The following PPP1R10 variants were observed in gnomAD, a reference collection of about 807,000 sequenced individuals.
PPP1R10 encodes protein phosphatase 1 regulatory subunit 10, also known as serine/threonine-protein phosphatase 1 regulatory subunit 10.
Under a neutral mutation model 99.0 loss-of-function variants are expected in PPP1R10, and 15 were observed. The observed-to-expected ratio is 0.15, with a 90% CI of 0.10 to 0.23. The LOEUF is 0.23. PPP1R10 is among the 10% of genes least tolerant of loss of function. PPP1R10 has a pLI of 1.00. For synonymous variants in PPP1R10, 430 were observed against 449.5 expected (o/e 0.96, Z 0.55); for missense variants, 947 against 1,259.4 (o/e 0.75, Z 3.75).
In PPP1R10 at chr6:30,604,514, G is replaced by A. The variant is rs1803710295; in HGVS notation, c.1103-3C>T. ...CAGAGCTCCTGGCTCCAAAGAGGCT[G>A]GAAGCAGAAGAGGTTTCAGACCCAG... On this transcript the variant is annotated splice_polypyrimidine_tract_variant and splice_region_variant and intron_variant, in intron 12 of 19. Transcript: ENST00000376511. The surrounding 1 kb of genome is among the most constrained non-coding windows in gnomAD (Gnocchi z 7.3). 2.5e-6 allele frequency: 4 copies of A among 1,612,872 alleles called. No individual in the cohort carries two copies. Among genetic ancestry groups the A allele is most frequent in the South Asian group, 1.1e-5 (1 of 91,088 alleles).
intron 19 of PPP1R10, 25 bp from the exon 20 acceptor site, chr6:30,601,683 TA>T: frequency 6.2e-7 from 1 of 1,603,284 alleles, no homozygotes; most frequent in Non-Finnish European, 8.5e-7. Context: ...GCAAAACAGT[TA>T]GACAGGAAAT....
chr6:30,610,058 A>G (rs568074851), intron 2 of PPP1R10, 103 bp from the exon 3 acceptor site: 158 of 714,540 alleles, frequency 2.2e-4, no homozygotes, highest in South Asian at 7.8e-4. Context: ...TTGACAAAGT[A>G]TAATGACTAA....
Position 30,604,687 on chromosome 6 carries a change from G to A in PPP1R10, c.1003C>T (p.Pro335Ser). 2 of 1,613,146 alleles carry A rather than the reference G, an allele frequency of 1.2e-6. No individual in the cohort carries two copies. The highest frequency in any genetic ancestry group is 1.3e-5 in the African/African-American group (1 of 75,058). ...KTSTEPSTAK[P>S]SSPEPAPPSE... is the part of the protein sequence containing the mutation. ...GGTGGTGCTGGTTCTGGGGAAGAAGGTTTGGCTGTGCTTGGTTCTGTGCTC... is the reference window on the plus strand; with the variant it reads ...GGTGGTGCTGGTTCTGGGGAAGAAGATTTGGCTGTGCTTGGTTCTGTGCTC... The change falls in exon 12 of 20, where the codon CCT (proline) becomes TCT (serine). Residue 335 changes from proline (P) to serine (S), a missense_variant. By Grantham distance (74) the Pro-to-Ser change is moderately conservative. Coordinates refer to ENST00000376511, the MANE Select transcript of PPP1R10 (RefSeq NM_002714.4). This position sits in a 1 kb window ranked among gnomAD's most constrained non-coding sequence, Gnocchi z 7.3.
rs759838362 is a variant in PPP1R10 at position 30,602,089 on chromosome 6, C to T, written c.2560G>A (p.Gly854Arg). 7 of 1,584,644 alleles carry T rather than the reference C, an allele frequency of 4.4e-6. 1 individual carries two copies. The highest frequency in any genetic ancestry group is 3.5e-5 in the South Asian group (3 of 86,826). ...GHRPHEGPGHGGPHGHRPHDV... is the reference protein window; with the variant it reads ...GHRPHEGPGHRGPHGHRPHDV... ...TGAGGCCGGTGGCCATGGGGCCCCCCGTGTCCAGGGCCTTCATGGGGACGA... is the reference window on the plus strand; with the variant it reads ...TGAGGCCGGTGGCCATGGGGCCCCCTGTGTCCAGGGCCTTCATGGGGACGA... The change falls in exon 19 of 20, where the codon GGG (glycine) becomes AGG (arginine). Residue 854 changes from glycine to arginine, a missense_variant. Transcript: ENST00000376511. The surrounding 1 kb of genome is among the most constrained non-coding windows in gnomAD (Gnocchi z 6.7).
intron 2 of PPP1R10, among the ~76,000 whole-genome samples, chr6:30,611,832 G>GA (rs1804589899): frequency 6.6e-6 from 1 of 152,120 alleles, no homozygotes; most frequent in African/African-American, 2.4e-5. Context: ...TGAGGTCAGA[G>GA]AAAAAACATT....
chr6:30,601,126 A>T lies in PPP1R10; in HGVS notation c.*423T>A, dbSNP rs1465849428. ...ATGAGGAATAATGAACTTAGCTGGG[A>T]TGATTTCTTAAGTGCAGCTGATCCT... is the stretch of plus-strand genomic sequence containing the variant. On this transcript the variant is annotated 3_prime_UTR_variant, in exon 20 of 20. Transcript: ENST00000376511. 5.5e-6 allele frequency: 1 copy of T among 181,510 alleles called. No homozygotes were observed. Among genetic ancestry groups the T allele is most frequent in the Non-Finnish European group, 1.2e-5 (1 of 85,600 alleles). The allele number at this position is 181,510 out of a possible 1,614,324, so 11.2% of individuals were successfully genotyped here.
rs1289575531 is a variant in PPP1R10 at position 30,609,670 on chromosome 6, A to C, written c.107+168T>G. Among the ~76,000 whole-genome samples the C allele has an allele frequency of 6.6e-6, 1 of 152,208 alleles. No individual in the cohort carries two copies. Among genetic ancestry groups the C allele is most frequent in the African/African-American group, 2.4e-5 (1 of 41,452 alleles). Reference sequence around the variant, plus strand: ...TTTCCATTATGGTCAGAAACAAGTGATCATCTTTTCCTATCCCTTATCCTA... The same window carrying C: ...TTTCCATTATGGTCAGAAACAAGTGCTCATCTTTTCCTATCCCTTATCCTA... On this transcript the variant is annotated intron_variant, in intron 3 of 19. Coordinates refer to ENST00000376511, the MANE Select transcript of PPP1R10 (RefSeq NM_002714.4). The surrounding 1 kb of genome is among the most constrained non-coding windows in gnomAD (Gnocchi z 4.5).
chr6:30,609,553 G>C lies in PPP1R10; in HGVS notation c.107+285C>G, dbSNP rs182199533. Among the ~76,000 whole-genome samples the C allele has an allele frequency of 6.6e-4, 101 of 152,228 alleles. No homozygotes were observed. Among genetic ancestry groups the C allele is most frequent in the African/African-American group, 1.8e-3 (74 of 41,552 alleles). On this transcript the variant is annotated intron_variant, in intron 3 of 19. Coordinates refer to ENST00000376511, the MANE Select transcript of PPP1R10 (RefSeq NM_002714.4). The surrounding 1 kb of genome is among the most constrained non-coding windows in gnomAD (Gnocchi z 4.5). ...ATAACATTATGGGTAGGTGGAACAC[G>C]AACCAAAACAATCTAGAATTCTGTT... is the stretch of plus-strand genomic sequence containing the variant.
Position 30,604,814 on chromosome 6 carries a change from G to A in PPP1R10, c.955-79C>T. 6.3e-7 allele frequency: 1 copy of A among 1,585,742 alleles called. No homozygotes were observed. The highest frequency in any genetic ancestry group is 1.7e-4 in the Middle Eastern group (1 of 5,938). On this transcript the variant is annotated intron_variant, in intron 11 of 19. Transcript: ENST00000376511. The surrounding 1 kb of genome is among the most constrained non-coding windows in gnomAD (Gnocchi z 7.3). ...CAATTAGTCCAGGGTCCCAGGCACAGTCCCCCAACAGTTCCTATATAAAGG... is the reference window on the plus strand; with the variant it reads ...CAATTAGTCCAGGGTCCCAGGCACAATCCCCCAACAGTTCCTATATAAAGG...
At position 30,602,206 on chromosome 6, in the gene PPP1R10, G is replaced by C; in HGVS notation, c.2443C>G (p.Pro815Ala). Reference protein sequence around the residue: ...GGISGGSGHRPHEGPGGGMGA... With the variant: ...GGISGGSGHRAHEGPGGGMGA... ...ATTCCTCCGCCAGGGCCTTCATGGG[G>C]ACGATGGCCACTGCCACCACTGATG... is the stretch of plus-strand genomic sequence containing the variant. The change falls in exon 19 of 20, where the codon CCC (proline) becomes GCC (alanine). Residue 815 changes from proline to alanine, a missense_variant. Pro to Ala is a conservative substitution (Grantham distance 27, BLOSUM62 -1). Transcript: ENST00000376511. The surrounding 1 kb of genome is among the most constrained non-coding windows in gnomAD (Gnocchi z 6.7). The C allele has an allele frequency of 6.2e-7, 1 of 1,611,088 alleles. No homozygotes were observed. The highest frequency in any genetic ancestry group is 8.5e-7 in the Non-Finnish European group (1 of 1,179,208).
chr6:30,616,951 T>G lies in PPP1R10; in HGVS notation c.-485A>C, dbSNP rs979138246. The G allele has an allele frequency of 2.0e-5, 3 of 152,346 alleles. No individual in the cohort carries two copies. The highest frequency in any genetic ancestry group is 7.2e-5 in the African/African-American group (3 of 41,420). The allele number at this position is 152,346 out of a possible 1,614,324, so 9.4% of individuals were successfully genotyped here. The stretch of plus-strand genomic sequence containing the variant: ...GGGCTTAGATGTTGCTGCGGCTTGT[T>G]TCTGTTTTCCTCGTGGCCGGCCTGT... On this transcript the variant is annotated 5_prime_UTR_variant, in exon 2 of 20. Coordinates refer to ENST00000376511, the MANE Select transcript of PPP1R10 (RefSeq NM_002714.4).
At chr6:30,603,411 T>G in intron 16 of PPP1R10, 61 bp downstream of exon 16, 1 of 1,590,440 alleles carries the variant, frequency 6.3e-7, no homozygotes, top group Non-Finnish European at 8.6e-7. Context: ...TGGGAGACAG[T>G]GAGGAGAGCG....
intron 6 of PPP1R10, 146 bp downstream of exon 6, chr6:30,607,694 A>G (rs1804093561): frequency 1.2e-6 from 1 of 845,708 alleles, no homozygotes; most frequent in Admixed American, 2.1e-5. Flanking sequence ...AGGTTAGAGG[A>G]ACTTTCTCTT....
chr6:30,612,081 A>C (rs1401983693), intron 2 of PPP1R10, among the ~76,000 whole-genome samples: 1 of 152,248 alleles, frequency 6.6e-6, no homozygotes, highest in African/African-American at 2.4e-5. Context: ...TATCATAAGC[A>C]ATCAAGAGAC....
rs183277296 is a variant in PPP1R10, at chr6:30,602,990, G to A, written c.1844-31C>T. On this transcript the variant is annotated intron_variant, in intron 17 of 19. Coordinates refer to ENST00000376511, the MANE Select transcript of PPP1R10 (RefSeq NM_002714.4). This position sits in a 1 kb window ranked among gnomAD's most constrained non-coding sequence, Gnocchi z 6.7. ...AATGAAAACAAGAGTAACACAGCAT[G>A]AGCACTCTAGAAGACTAGCATGATC... 566 of 1,502,998 alleles carry A rather than the reference G, an allele frequency of 3.8e-4. 13 individuals are homozygous for A. In the East Asian group the frequency reaches 9.3e-3, roughly 25 times the overall value. The allele number at this position is 1,502,998 out of a possible 1,614,324, so 93.1% of individuals were successfully genotyped here.
intron 2 of PPP1R10, among the ~76,000 whole-genome samples, chr6:30,611,697 G>T (rs902509939): frequency 3.3e-5 from 5 of 152,298 alleles, no homozygotes; most frequent in African/African-American, 1.2e-4. Flanking sequence ...AGGCAGCCAG[G>T]AAGGGTAGGA....
In PPP1R10 at chr6:30,604,316, C is replaced by G; in HGVS notation, c.1261+37G>C. 6.2e-7 allele frequency: 1 copy of G among 1,613,990 alleles called. No individual in the cohort carries two copies. The highest frequency in any genetic ancestry group is 8.5e-7 in the Non-Finnish European group (1 of 1,179,858). ...GCACAACCAAGTCCTTTCAAAATCC[C>G]TTAAACACACCTATTACGTAGGAAA... On this transcript the variant is annotated intron_variant, in intron 13 of 19. Transcript: ENST00000376511. The surrounding 1 kb of genome is among the most constrained non-coding windows in gnomAD (Gnocchi z 7.3).
intron 4 of PPP1R10, 70 bp from the exon 5 acceptor site, chr6:30,608,984 C>G: frequency 6.2e-7 from 1 of 1,611,108 alleles, no homozygotes; most frequent in Non-Finnish European, 8.5e-7. Context: ...TCCTACAATC[C>G]CAGTCTCCCA....
chr6:30,609,180 A>G lies in PPP1R10; in HGVS notation c.108-17T>C, dbSNP rs530057569. 2 of 1,612,002 alleles carry G rather than the reference A, an allele frequency of 1.2e-6. No individual in the cohort carries two copies. Among genetic ancestry groups the G allele is most frequent in the African/African-American group, 1.3e-5 (1 of 74,894 alleles). On this transcript the variant is annotated splice_polypyrimidine_tract_variant and intron_variant, in intron 3 of 19. Coordinates refer to ENST00000376511, the MANE Select transcript of PPP1R10 (RefSeq NM_002714.4). This position sits in a 1 kb window ranked among gnomAD's most constrained non-coding sequence, Gnocchi z 4.5. The stretch of plus-strand genomic sequence containing the variant: ...TTCATCAAACTGCAGAAGATGAGTT[A>G]GGGTTAGAAATGAAGCAGCCAGTAT...
Sources: gnomAD v4.1 joint callset for allele counts (sites outside exome capture counted in the v4.1 genomes callset) on GRCh38, gnomAD v4.1.1 for gene constraint, Gnocchi (gnomAD v3.1) non-coding constraint, MANE v1.5 for transcripts, NCBI Gene and HGNC (gene_info 2026-07-23, HGNC 2026-07-21) for gene names.